The following BICC1 variants were observed in gnomAD, a reference collection of about 807,000 sequenced individuals.
BICC1 encodes the protein protein bicaudal C homolog 1.
Under a neutral mutation model 111.0 loss-of-function variants are expected in BICC1, and 43 were observed. That is an observed-to-expected ratio of 0.39 (90% CI 0.30 to 0.50). BICC1 has a LOEUF of 0.50. Among genes scored for constraint, BICC1 ranks in the 20% least tolerant of loss-of-function variants. The pLI, the probability that BICC1 is intolerant of heterozygous loss-of-function variation, is 0.88. For synonymous variants in BICC1, 467 were observed against 434.4 expected (o/e 1.07, Z -0.93); for missense variants, 1,091 against 1,203.2 (o/e 0.91, Z 1.38).
intron 1 of BICC1, among the ~76,000 whole-genome samples, chr10:58,594,251 T>G: frequency 6.6e-6 from 1 of 152,148 alleles, no homozygotes; most frequent in Non-Finnish European, 1.5e-5. Flanking sequence ...TACATTTGAT[T>G]GGTGTACCTG....
Position 58,702,159 on chromosome 10 carries a change from G to T in BICC1, c.307+16G>T. On this transcript the variant is annotated intron_variant, in intron 3 of 20. Transcript: ENST00000373886. ...TCCAAGAAAGGTAAATTGTGAGAGG[G>T]CAAGAAATAGGTGGTTTTGATAACT... 1 of 1,599,202 alleles carries T rather than the reference G, an allele frequency of 6.3e-7. No individual in the cohort carries two copies. The highest frequency in any genetic ancestry group is 8.6e-7 in the Non-Finnish European group (1 of 1,168,034).
At chr10:58,662,058 C>T (rs1838861075) in intron 2 of BICC1, among the ~76,000 whole-genome samples, 1 of 152,074 alleles carries the variant, frequency 6.6e-6, no homozygotes, top group South Asian at 2.1e-4. Flanking sequence ...GCAGTGAGGT[C>T]CTTTGAGAGG....
intron 3 of BICC1, among the ~76,000 whole-genome samples, chr10:58,729,513 A>G (rs1158040456): frequency 6.6e-6 from 1 of 152,172 alleles, no homozygotes; most frequent in Non-Finnish European, 1.5e-5. Context: ...AACTTTCTTC[A>G]TATCAGCAAT....
At chr10:58,779,146 A>G (rs1418469823) in intron 3 of BICC1, among the ~76,000 whole-genome samples, 1 of 152,242 alleles carries the variant, frequency 6.6e-6, no homozygotes, top group Non-Finnish European at 1.5e-5. Flanking sequence ...ATGTTTCACC[A>G]TAAAATATGG....
intron 3 of BICC1, among the ~76,000 whole-genome samples, chr10:58,709,375 G>C (rs371362134): frequency 6.6e-6 from 1 of 152,154 alleles, no homozygotes; most frequent in Non-Finnish European, 1.5e-5. Context: ...ACTTTCATAT[G>C]CGTCTGTTTA....
At chr10:58,671,446 A>C (rs569797923) in intron 2 of BICC1, among the ~76,000 whole-genome samples, 4 of 152,220 alleles carry the variant, frequency 2.6e-5, no homozygotes, top group Non-Finnish European at 5.9e-5. Flanking sequence ...AGGGAGACAC[A>C]AAAGACATTG....
rs1324384944 is a variant in BICC1, at chr10:58,513,072, G to C, written c.-72G>C. 1 of 1,210,184 alleles carries C rather than the reference G, an allele frequency of 8.3e-7. No individual in the cohort carries two copies. Among genetic ancestry groups the C allele is most frequent in the Non-Finnish European group, 1.0e-6 (1 of 955,976 alleles). 75.0% of individuals were successfully genotyped at this position (1,210,184 alleles called of 1,614,324 possible). ...GCGGCGCTGGGAGCCAGTTGAGCCC[G>C]GCCGGCGAGCGGAGGCGGCAGCGCA... On this transcript the variant is annotated 5_prime_UTR_variant, in exon 1 of 21. Transcript: ENST00000373886.
At chr10:58,647,399 G>C (rs1838301879) in intron 2 of BICC1, among the ~76,000 whole-genome samples, 1 of 152,128 alleles carries the variant, frequency 6.6e-6, no homozygotes, top group Admixed American at 6.5e-5. Context: ...CGCTGCTTTG[G>C]AGAACCAAAA....
At chr10:58,715,882 A>G in intron 3 of BICC1, 10 of 1,220,486 alleles carry the variant, frequency 8.2e-6, no homozygotes, top group Non-Finnish European at 1.1e-5. Context: ...TTCTTCATCA[A>G]GCTCTGATTC....
At chr10:58,639,397 A>T (rs1226706902) in intron 2 of BICC1, among the ~76,000 whole-genome samples, 3 of 138,582 alleles carry the variant, frequency 2.2e-5, no homozygotes, top group Non-Finnish European at 3.1e-5. Context: ...TGCCATTTAA[A>T]TTTTTTTTTT....
intron 15 of BICC1, among the ~76,000 whole-genome samples, chr10:58,803,840 A>G (rs1342059717): frequency 6.6e-6 from 1 of 152,226 alleles, no homozygotes; most frequent in African/African-American, 2.4e-5. Flanking sequence ...CTAATTACTC[A>G]GAATAGACTA....
intron 2 of BICC1, among the ~76,000 whole-genome samples, chr10:58,621,496 C>T (rs1845804957): frequency 7.0e-6 from 1 of 143,148 alleles, no homozygotes; most frequent in Non-Finnish European, 1.6e-5. Flanking sequence ...CTGGGGCAGG[C>T]TTAGCAACAA....
intron 1 of BICC1, among the ~76,000 whole-genome samples, chr10:58,559,249 AAAATT>A (rs1243986435): frequency 3.3e-5 from 5 of 152,252 alleles, no homozygotes; most frequent in Admixed American, 1.3e-4. Flanking sequence ...GAGAAATACT[AAAATT>A]AAAGTTGTAA....
chr10:58,617,919 C>G (rs958715382), intron 1 of BICC1, among the ~76,000 whole-genome samples: 6 of 152,258 alleles, frequency 3.9e-5, no homozygotes, highest in African/African-American at 1.4e-4. Context: ...TACAAAGCAA[C>G]ATTGGTGTAA....
At chr10:58,539,417 G>A (rs1393328529) in intron 1 of BICC1, among the ~76,000 whole-genome samples, 6 of 151,466 alleles carry the variant, frequency 4.0e-5, no homozygotes, top group Non-Finnish European at 7.4e-5. Flanking sequence ...GGTGAGAGAT[G>A]AAAAAGTACC....
At chr10:58,779,222 A>G (rs1027490410) in intron 3 of BICC1, among the ~76,000 whole-genome samples, 8 of 152,224 alleles carry the variant, frequency 5.3e-5, no homozygotes, top group African/African-American at 1.9e-4. Context: ...TGCCAACCTA[A>G]TAGTCATCAA....
chr10:58,577,975 A>G (rs1262156898), intron 1 of BICC1, among the ~76,000 whole-genome samples: 2 of 152,172 alleles, frequency 1.3e-5, no homozygotes, highest in Non-Finnish European at 2.9e-5. Context: ...ATTTTTAATT[A>G]TTATTCCTCA....
chr10:58,692,650 CT>C (rs1464621993), intron 2 of BICC1, among the ~76,000 whole-genome samples: 1 of 152,098 alleles, frequency 6.6e-6, no homozygotes, highest in African/African-American at 2.4e-5. Context: ...ATAGTGCTTT[CT>C]TTTTGTTGTA....
chr10:58,536,626 T>C (rs1842833223), intron 1 of BICC1, among the ~76,000 whole-genome samples: 1 of 151,672 alleles, frequency 6.6e-6, no homozygotes. Context: ...AGGTTACAAA[T>C]TGACAAGCTA....
Sources: allele counts gnomAD v4.1 joint callset (sites outside exome capture counted in the v4.1 genomes callset), GRCh38; gene constraint gnomAD v4.1.1; transcripts MANE v1.5; gene names NCBI Gene and HGNC (gene_info 2026-07-23, HGNC 2026-07-21).